SRPK2: variants seen among roughly 807,000 people sequenced by gnomAD.
SRPK2 encodes the protein SFRS protein kinase 2.
Under a neutral mutation model 90.8 loss-of-function variants are expected in SRPK2, and 21 were observed. That is an observed-to-expected ratio of 0.23 (90% confidence interval 0.16 to 0.33). SRPK2 has a LOEUF of 0.33. SRPK2 is among the 10% of genes least tolerant of loss of function. The pLI, the probability that SRPK2 is intolerant of heterozygous loss-of-function variation, is 1.00. For missense variants in SRPK2, 620 were observed against 869.0 expected, an observed-to-expected ratio of 0.71 and a Z score of 3.60; for synonymous variants, 288 against 311.1, an observed-to-expected ratio of 0.93 and a Z score of 0.78.
At chr7:105,195,392 G>C (rs139578901) in intron 3 of SRPK2, among the ~76,000 whole-genome samples, 228 of 152,340 alleles carry the variant, frequency 1.5e-3, no homozygotes, top group Middle Eastern at 3.4e-3. Flanking sequence ...ATAACACCAG[G>C]ATTCTGTTTC....
chr7:105,263,560 GT>G (rs1458101430), intron 2 of SRPK2, among the ~76,000 whole-genome samples: 19 of 152,086 alleles, frequency 1.2e-4, no homozygotes, highest in Admixed American at 1.0e-3. Context: ...TTTATATAAT[GT>G]TCAAAACAGA....
intron 2 of SRPK2, among the ~76,000 whole-genome samples, chr7:105,369,659 T>C (rs1430284669): frequency 6.6e-6 from 1 of 152,156 alleles, no homozygotes; most frequent in Non-Finnish European, 1.5e-5. Flanking sequence ...AAATACATCA[T>C]GCCCAATCCC....
At chr7:105,371,761 G>A (rs1049256836) in intron 2 of SRPK2, among the ~76,000 whole-genome samples, 2 of 152,072 alleles carry the variant, frequency 1.3e-5, no homozygotes, top group Admixed American at 6.6e-5. Context: ...TGTTTAGACT[G>A]TGGGAAATAT....
chr7:105,272,462 TTTC>T (rs1805950797), intron 2 of SRPK2, among the ~76,000 whole-genome samples: 1 of 152,226 alleles, frequency 6.6e-6, no homozygotes, highest in Non-Finnish European at 1.5e-5. Context: ...CATAATTTTG[TTTC>T]TTAACTGCTA....
intron 2 of SRPK2, among the ~76,000 whole-genome samples, chr7:105,322,749 A>T (rs1330880375): frequency 1.7e-5 from 1 of 58,774 alleles, no homozygotes; most frequent in Non-Finnish European, 3.3e-5. Flanking sequence ...AACCTCAATT[A>T]AAAAAAAAAA....
chr7:105,235,638 T>C (rs79997453), intron 2 of SRPK2, among the ~76,000 whole-genome samples: 1,900 of 152,332 alleles, frequency 0.012, 50 homozygotes, highest in African/African-American at 0.044. Context: ...CTTATTGTTT[T>C]GCTTTTTCAT....
At chr7:105,305,732 A>G (rs541616030) in intron 2 of SRPK2, among the ~76,000 whole-genome samples, 12 of 152,176 alleles carry the variant, frequency 7.9e-5, no homozygotes, top group East Asian at 7.7e-4. Context: ...CAGGAGGGGG[A>G]AAAAAAGCAG....
chr7:105,270,755 A>C (rs1183921440), intron 2 of SRPK2, among the ~76,000 whole-genome samples: 1 of 152,048 alleles, frequency 6.6e-6, no homozygotes, highest in Non-Finnish European at 1.5e-5. Context: ...AAATTACTTA[A>C]ACTCTCTAAA....
chr7:105,129,480 T>C (rs1166372315), intron 13 of SRPK2, among the ~76,000 whole-genome samples: 1 of 152,146 alleles, frequency 6.6e-6, no homozygotes. Context: ...GTTCAAGCGA[T>C]TCTCCTGCCT....
At chr7:105,144,501 A>G (rs1804263263) in intron 9 of SRPK2, among the ~76,000 whole-genome samples, 1 of 152,154 alleles carries the variant, frequency 6.6e-6, no homozygotes, top group Non-Finnish European at 1.5e-5. Context: ...TCAGCCTCCC[A>G]AAGTGCAGGG....
At chr7:105,233,630 G>C (rs1031178077) in intron 2 of SRPK2, among the ~76,000 whole-genome samples, 1 of 152,168 alleles carries the variant, frequency 6.6e-6, no homozygotes, top group Non-Finnish European at 1.5e-5. Context: ...AAAGCCGGTG[G>C]ATCACTTAAG....
At chr7:105,337,317 ATTTT>A (rs773258549) in intron 2 of SRPK2, among the ~76,000 whole-genome samples, 6 of 136,562 alleles carry the variant, frequency 4.4e-5, no homozygotes, top group African/African-American at 1.6e-4. Context: ...TCATGAAGGG[ATTTT>A]TTTTTTTTTT....
At chr7:105,378,364 A>T (rs144635854) in intron 2 of SRPK2, among the ~76,000 whole-genome samples, 609 of 152,322 alleles carry the variant, frequency 4.0e-3, no homozygotes, top group African/African-American at 0.014. Context: ...AATTTTTATA[A>T]ATCAGTAAGA....
intron 2 of SRPK2, among the ~76,000 whole-genome samples, chr7:105,376,695 T>C (rs986548305): frequency 3.3e-5 from 5 of 151,110 alleles, no homozygotes; most frequent in Non-Finnish European, 5.9e-5. Flanking sequence ...GCACCACCAC[T>C]CCCGGCTAAT....
At chr7:105,379,901 C>T (rs928623026) in intron 2 of SRPK2, among the ~76,000 whole-genome samples, 6 of 152,092 alleles carry the variant, frequency 3.9e-5, no homozygotes, top group Admixed American at 1.3e-4. Flanking sequence ...TGGCTTGAAT[C>T]GGGGAAGCGG....
At chr7:105,396,712 GGA>G (rs1822332245) in intron 1 of SRPK2, among the ~76,000 whole-genome samples, 3 of 149,976 alleles carry the variant, frequency 2.0e-5, no homozygotes, top group South Asian at 4.3e-4. Context: ...AGGAGGAAGG[GGA>G]GGGGGAGGGG....
At chr7:105,288,366 C>T (rs1365297930) in intron 2 of SRPK2, among the ~76,000 whole-genome samples, 3 of 151,940 alleles carry the variant, frequency 2.0e-5, no homozygotes, top group South Asian at 2.1e-4. Flanking sequence ...GGAGGTAGGG[C>T]GGGTGGATCA....
chr7:105,316,393 G>C (rs1056314571), intron 2 of SRPK2, among the ~76,000 whole-genome samples: 5 of 152,090 alleles, frequency 3.3e-5, no homozygotes, highest in African/African-American at 1.2e-4. Flanking sequence ...ACACTCTCAA[G>C]GCCGCTTATA....
intron 14 of SRPK2, 123 bp downstream of exon 14, chr7:105,126,870 C>G (rs377118158): frequency 3.2e-6 from 3 of 934,368 alleles, no homozygotes; most frequent in Non-Finnish European, 5.0e-6. Context: ...GGAAAAGCAT[C>G]TGAATTTGGT....
Sources: allele counts gnomAD v4.1 joint callset (sites outside exome capture counted in the v4.1 genomes callset), GRCh38; gene constraint gnomAD v4.1.1; transcripts MANE v1.5; gene names NCBI Gene and HGNC (gene_info 2026-07-23, HGNC 2026-07-21).